NETO1: variants seen among roughly 807,000 people sequenced by gnomAD.
The protein encoded by NETO1 is neuropilin and tolloid like 1, also known as neuropilin and tolloid-like protein 1.
A neutral mutation model predicts 61.3 loss-of-function variants in NETO1; 26 were observed. That is an observed-to-expected ratio of 0.42 (90% CI 0.31 to 0.59). The LOEUF (loss-of-function observed/expected upper bound fraction) is 0.59, where lower values mean the gene tolerates loss of function less well. Among genes scored for constraint, NETO1 ranks in the 20% least tolerant of loss-of-function variants. The pLI is 0.12. For synonymous variants in NETO1, 225 were observed against 225.8 expected (o/e 1.00, Z 0.03); for missense variants, 531 against 662.8 (o/e 0.80, Z 2.18).
At chr18:72,776,567 G>C (rs554050387) in intron 7 of NETO1, among the ~76,000 whole-genome samples, 1 of 152,130 alleles carries the variant, frequency 6.6e-6, no homozygotes, top group South Asian at 2.1e-4. Flanking sequence ...CATCAGATGT[G>C]GAGTCTGGTG....
At chr18:72,848,733 G>C (rs1003541103) in intron 4 of NETO1, among the ~76,000 whole-genome samples, 2 of 152,162 alleles carry the variant, frequency 1.3e-5, no homozygotes, top group African/African-American at 4.8e-5. Context: ...TGCCTCCTGA[G>C]TCAGCCTACT....
At chr18:72,834,770 C>A (rs1266408929) in intron 4 of NETO1, 1 of 984,784 alleles carries the variant, frequency 1.0e-6, no homozygotes, top group East Asian at 1.1e-4. Context: ...TGTTAATTCC[C>A]AGTCCATGGC....
chr18:72,847,235 C>G (rs183107693), intron 4 of NETO1, among the ~76,000 whole-genome samples: 1 of 152,178 alleles, frequency 6.6e-6, no homozygotes, highest in Non-Finnish European at 1.5e-5. Context: ...TGGGCACATG[C>G]CCTGCTGATT....
intron 4 of NETO1, among the ~76,000 whole-genome samples, chr18:72,856,511 G>T (rs1463631126): frequency 2.0e-5 from 3 of 152,100 alleles, no homozygotes; most frequent in Admixed American, 6.5e-5. Flanking sequence ...AGGCACTCAA[G>T]AAATTCATAA....
At chr18:72,852,614 A>G (rs2074285568) in intron 4 of NETO1, among the ~76,000 whole-genome samples, 1 of 151,850 alleles carries the variant, frequency 6.6e-6, no homozygotes, top group African/African-American at 2.4e-5. Context: ...AATCCTGGAA[A>G]TTTTCTCTCC....
At chr18:72,802,871 C>A (rs2083187343) in intron 4 of NETO1, among the ~76,000 whole-genome samples, 1 of 152,168 alleles carries the variant, frequency 6.6e-6, no homozygotes, top group South Asian at 2.1e-4. Context: ...ATTCTGAAGT[C>A]TAGAGTAACA....
intron 4 of NETO1, among the ~76,000 whole-genome samples, chr18:72,843,186 T>C (rs1268304014): frequency 6.6e-6 from 1 of 152,214 alleles, no homozygotes; most frequent in Non-Finnish European, 1.5e-5. Flanking sequence ...TACCCGTTCT[T>C]ATGCCGATCA....
intron 6 of NETO1, among the ~76,000 whole-genome samples, chr18:72,784,818 G>T (rs538884501): frequency 2.6e-5 from 4 of 152,150 alleles, no homozygotes; most frequent in African/African-American, 9.7e-5. Flanking sequence ...TTGTTCATGC[G>T]TCCATCGATT....
chr18:72,864,919 T>G lies in NETO1; in HGVS notation c.109A>C (p.Lys37Gln), dbSNP rs919223260. ...TEKQTTSETQ[K>Q]SVQCGTWTKH... Reference sequence around the variant, plus strand: ...GTCCAAGTTCCACACTGCACTGACTTCTGTGTTTCTGAGGTGGTTTGCTTT... The same window carrying G: ...GTCCAAGTTCCACACTGCACTGACTGCTGTGTTTCTGAGGTGGTTTGCTTT... The change falls in exon 3 of 11, where the codon AAG (lysine) becomes CAG (glutamine). Residue 37 changes from lysine to glutamine, a missense_variant. Transcript: ENST00000327305. 4 of 1,600,842 alleles carry G rather than the reference T, an allele frequency of 2.5e-6. No homozygotes were observed. Among genetic ancestry groups the G allele is most frequent in the Admixed American group, 1.8e-5 (1 of 55,892 alleles).
chr18:72,779,069 C>T (rs1463415200), intron 7 of NETO1, among the ~76,000 whole-genome samples: 1 of 152,170 alleles, frequency 6.6e-6, no homozygotes, highest in East Asian at 1.9e-4. Flanking sequence ...ACTGGGGATA[C>T]TATTTCATAA....
At chr18:72,810,089 A>G (rs116938040) in intron 4 of NETO1, among the ~76,000 whole-genome samples, 1 of 152,370 alleles carries the variant, frequency 6.6e-6, no homozygotes, top group East Asian at 1.9e-4. Context: ...CTGGAAGTGT[A>G]CAACTATCTG....
chr18:72,752,385 G>C (rs781106727), intron 8 of NETO1, among the ~76,000 whole-genome samples: 1 of 152,182 alleles, frequency 6.6e-6, no homozygotes, highest in Admixed American at 6.5e-5. Context: ...GGAAATGAGA[G>C]AGGCACAGAG....
At chr18:72,792,212 A>G (rs1339751589) in intron 6 of NETO1, among the ~76,000 whole-genome samples, 1 of 152,116 alleles carries the variant, frequency 6.6e-6, no homozygotes, top group Non-Finnish European at 1.5e-5. Context: ...TGGGCAGATC[A>G]CCTGAGATCA....
chr18:72,834,387 A>G (rs2073676550), intron 4 of NETO1: 2 of 938,892 alleles, frequency 2.1e-6, no homozygotes, highest in Admixed American at 6.2e-5. Flanking sequence ...AAACCAGATA[A>G]TAGATTTAAT....
intron 4 of NETO1, chr18:72,834,247 T>A: frequency 1.4e-6 from 1 of 736,928 alleles, no homozygotes; most frequent in Non-Finnish European, 1.7e-6. Flanking sequence ...GTTTTAACTA[T>A]CCTTAAAATG....
At chr18:72,826,721 A>G (rs1020297805) in intron 4 of NETO1, among the ~76,000 whole-genome samples, 5 of 152,216 alleles carry the variant, frequency 3.3e-5, no homozygotes, top group Admixed American at 3.3e-4. Context: ...AGGAACACAC[A>G]GGCATGAAGA....
intron 10 of NETO1, among the ~76,000 whole-genome samples, chr18:72,748,559 T>TA (rs1245415684): frequency 6.6e-6 from 1 of 152,088 alleles, no homozygotes; most frequent in Non-Finnish European, 1.5e-5. Context: ...GTACCAAAAA[T>TA]ATTTAGTGTA....
chr18:72,792,169 T>C (rs866650957), intron 6 of NETO1, among the ~76,000 whole-genome samples: 20 of 152,226 alleles, frequency 1.3e-4, no homozygotes, highest in Middle Eastern at 3.4e-3. Context: ...TGGTGATTCA[T>C]GCCTATAATC....
Position 72,774,661 on chromosome 18 carries a change from T to G in NETO1, c.868+9017A>C, listed in dbSNP as rs551775449. ...AATATGTTTCTTGGTATTTGTGGCT[T>G]CTTCATCTATGAAACTAAATTAATT... On this transcript the variant is annotated intron_variant, in intron 7 of 10. Coordinates refer to ENST00000327305, the MANE Select transcript of NETO1 (RefSeq NM_138966.5). Among the ~76,000 whole-genome samples the G allele has an allele frequency of 3.3e-4, 50 of 152,310 alleles. 1 individual carries two copies. The highest frequency in any genetic ancestry group is 5.9e-4 in the Non-Finnish European group (40 of 68,014).
Sources: allele counts gnomAD v4.1 joint callset (sites outside exome capture counted in the v4.1 genomes callset), GRCh38; gene constraint gnomAD v4.1.1; transcripts MANE v1.5; gene names NCBI Gene and HGNC (gene_info 2026-07-23, HGNC 2026-07-21).